Variants in KLF8 observed in about 807,000 individuals in gnomAD.
KLF8 encodes the protein KLF transcription factor 8.
In KLF8, 10 loss-of-function variants were observed where a neutral mutation model predicts 18.2. The observed-to-expected ratio is 0.55, with a 90% confidence interval of 0.34 to 0.93. The LOEUF is 0.93. Ranked by LOEUF, KLF8 falls within the 40% of genes least tolerant of loss-of-function variation. KLF8 has a pLI of 0.02. For missense variants in KLF8, 264 were observed against 277.9 expected (o/e 0.95, Z 0.36); for synonymous variants, 109 against 97.3 (o/e 1.12, Z -0.71).
At chrX:56,145,990 T>C in the KLF8 span, among the ~76,000 whole-genome samples, 1 of 112,127 alleles carries the variant, frequency 8.9e-6, no homozygotes, top group African/African-American at 3.2e-5. Context: ...ATTAGAGAAA[T>C]ACACATCAAA....
the KLF8 span, among the ~76,000 whole-genome samples, chrX:56,183,826 G>A: frequency 5.4e-5 from 6 of 111,548 alleles, no homozygotes; most frequent in Non-Finnish European, 7.5e-5. Flanking sequence ...GTAAGTGAAC[G>A]AAACTCTCTA....
At chrX:56,162,767 T>A in the KLF8 span, among the ~76,000 whole-genome samples, 1 of 111,039 alleles carries the variant, frequency 9.0e-6, no homozygotes, top group South Asian at 3.9e-4. Context: ...GTATGCTGCA[T>A]CCACTGTCCT....
the KLF8 span, among the ~76,000 whole-genome samples, chrX:56,201,860 A>G: frequency 8.9e-6 from 1 of 111,973 alleles, no homozygotes; most frequent in African/African-American, 3.2e-5. Context: ...TCAGTTTTCA[A>G]CAAATTCTTG....
At chrX:56,058,300 A>ATATACATATATATATATATATG in the KLF8 span, among the ~76,000 whole-genome samples, 84 of 74,084 alleles carry the variant, frequency 1.1e-3, 1 homozygote, top group African/African-American at 3.9e-3. Context: ...ATATATATAT[A>ATATACATATATATATATATATG]TATATATATA....
intron 2 of KLF8, among the ~76,000 whole-genome samples, chrX:56,257,357 T>C (rs887968670): frequency 1.8e-5 from 2 of 112,109 alleles, no homozygotes; most frequent in Non-Finnish European, 3.8e-5. Flanking sequence ...TGTTTCTTTG[T>C]TGAGTGTCTT....
chrX:56,187,125 G>A, the KLF8 span, among the ~76,000 whole-genome samples: 3 of 110,957 alleles, frequency 2.7e-5, no homozygotes, highest in African/African-American at 9.8e-5. Flanking sequence ...TAGACCACTA[G>A]CAAGACTAAT....
chrX:56,020,724 A>G, the KLF8 span, among the ~76,000 whole-genome samples: 13,377 of 111,309 alleles, frequency 0.12, 1,403 homozygotes, highest in African/African-American at 0.35. Context: ...CATATATGCA[A>G]TATATATGGT....
At chrX:56,276,414 G>A (rs1221579469) in intron 5 of KLF8, among the ~76,000 whole-genome samples, 1 of 111,254 alleles carries the variant, frequency 9.0e-6, no homozygotes. Context: ...ACTCCCTTTA[G>A]CATTTCTTGT....
chrX:56,172,969 G>C, the KLF8 span, among the ~76,000 whole-genome samples: 1 of 111,826 alleles, frequency 8.9e-6, no homozygotes, highest in African/African-American at 3.3e-5. Context: ...TTATAAATTT[G>C]TTTGAGTTCT....
chrX:56,053,273 C>T, the KLF8 span, among the ~76,000 whole-genome samples: 34 of 111,759 alleles, frequency 3.0e-4, no homozygotes, highest in South Asian at 0.012. Context: ...TATCTTGGCT[C>T]CTCCCCCTAT....
At chrX:56,105,358 T>C in the KLF8 span, among the ~76,000 whole-genome samples, 1 of 111,560 alleles carries the variant, frequency 9.0e-6, no homozygotes, top group Admixed American at 9.5e-5. Context: ...TAAGTCTCTT[T>C]GTAGGTCTCT....
At chrX:56,075,650 T>G in the KLF8 span, among the ~76,000 whole-genome samples, 9 of 111,874 alleles carry the variant, frequency 8.0e-5, no homozygotes. Flanking sequence ...CATCCTCACC[T>G]TCTTCCACCA....
the KLF8 span, among the ~76,000 whole-genome samples, chrX:56,025,128 A>C: frequency 8.9e-6 from 1 of 112,264 alleles, no homozygotes; most frequent in Non-Finnish European, 1.9e-5. Context: ...CAAACATAAC[A>C]CAAAGTGATT....
chrX:56,167,454 T>C, the KLF8 span, among the ~76,000 whole-genome samples: 5 of 111,884 alleles, frequency 4.5e-5, no homozygotes, highest in Non-Finnish European at 5.6e-5. Context: ...TTTGAGCTCT[T>C]CTCCAGTACG....
At chrX:55,971,136 G>A in the KLF8 span, among the ~76,000 whole-genome samples, 1 of 111,310 alleles carries the variant, frequency 9.0e-6, no homozygotes, top group Admixed American at 9.5e-5. Flanking sequence ...GAAAACTGGA[G>A]GAATCACACT....
At chrX:56,104,380 A>C in the KLF8 span, among the ~76,000 whole-genome samples, 2 of 111,226 alleles carry the variant, frequency 1.8e-5, no homozygotes, top group African/African-American at 6.5e-5. Context: ...GATTATTGCC[A>C]TATAACTTCA....
At chrX:56,004,953 G>A in the KLF8 span, among the ~76,000 whole-genome samples, 1 of 111,154 alleles carries the variant, frequency 9.0e-6, no homozygotes, top group East Asian at 2.8e-4. Context: ...CACCCACTTT[G>A]CTCCAGGGTT....
At chrX:56,267,204 T>TA (rs959412310) in intron 3 of KLF8, 2 of 751,425 alleles carry the variant, frequency 2.7e-6, no homozygotes, top group African/African-American at 4.6e-5. Flanking sequence ...GGTTCCAAGC[T>TA]AAGGGCATTG....
At chrX:56,183,253 A>T in the KLF8 span, among the ~76,000 whole-genome samples, 2 of 112,149 alleles carry the variant, frequency 1.8e-5, no homozygotes, top group Non-Finnish European at 3.8e-5. Context: ...CTCCGTGGGC[A>T]AGGGACACTC....
Sources: gnomAD v4.1 joint callset for allele counts (sites outside exome capture counted in the v4.1 genomes callset) on GRCh38, gnomAD v4.1.1 for gene constraint, MANE v1.5 for transcripts, NCBI Gene and HGNC (gene_info 2026-07-23, HGNC 2026-07-21) for gene names.